Variants in RBMS3 observed in about 807,000 individuals in gnomAD.
The protein encoded by RBMS3 is RNA-binding motif, single-stranded-interacting protein 3.
In RBMS3, 27 loss-of-function variants were observed where a neutral mutation model predicts 66.8. The observed-to-expected ratio is 0.40, with a 90% confidence interval of 0.30 to 0.56. The LOEUF is 0.56. Ranked by LOEUF, RBMS3 falls within the 20% of genes least tolerant of loss-of-function variation. RBMS3 has a pLI of 0.40. For missense variants in RBMS3, 513 were observed against 549.5 expected (o/e 0.93, Z 0.66); for synonymous variants, 188 against 183.0 (o/e 1.03, Z -0.22).
At chr3:29,957,125 C>G (rs1696097147) in intron 12 of RBMS3, among the ~76,000 whole-genome samples, 1 of 152,058 alleles carries the variant, frequency 6.6e-6, no homozygotes, top group African/African-American at 2.4e-5. Flanking sequence ...ATCCTTTTGT[C>G]TTGTCTTAGA....
intron 3 of RBMS3, among the ~76,000 whole-genome samples, chr3:29,582,969 A>G (rs1176064720): frequency 6.6e-6 from 1 of 152,142 alleles, no homozygotes; most frequent in African/African-American, 2.4e-5. Flanking sequence ...TAATTTGGTG[A>G]GATATTTCTG....
chr3:29,844,076 T>C (rs532906769), intron 6 of RBMS3, among the ~76,000 whole-genome samples: 1 of 152,354 alleles, frequency 6.6e-6, no homozygotes, highest in East Asian at 1.9e-4. Context: ...TATTAAAATA[T>C]GTAGTTTTAC....
intron 1 of RBMS3, among the ~76,000 whole-genome samples, chr3:29,410,256 G>A (rs2040205612): frequency 6.6e-6 from 1 of 152,172 alleles, no homozygotes; most frequent in Non-Finnish European, 1.5e-5. Context: ...AAAAAACAAA[G>A]TGCCACCACT....
chr3:29,908,402 CTT>C (rs1433823991), intron 10 of RBMS3, among the ~76,000 whole-genome samples: 4 of 152,120 alleles, frequency 2.6e-5, no homozygotes, highest in Non-Finnish European at 4.4e-5. Flanking sequence ...TTAGCATTAT[CTT>C]TTGCTCCATG....
intron 6 of RBMS3, among the ~76,000 whole-genome samples, chr3:29,841,966 C>T (rs1319065070): frequency 6.6e-6 from 1 of 151,998 alleles, no homozygotes; most frequent in Non-Finnish European, 1.5e-5. Flanking sequence ...TCTTTTTCAT[C>T]CAGCCACTTA....
intron 13 of RBMS3, among the ~76,000 whole-genome samples, chr3:29,990,480 A>AAAAAAT (rs1698779687): frequency 1.4e-5 from 2 of 141,470 alleles, no homozygotes; most frequent in African/African-American, 5.1e-5. Context: ...AAAAAAAAAA[A>AAAAAAT]AAATAGGGTG....
At chr3:29,803,821 T>C (rs1255074671) in intron 6 of RBMS3, among the ~76,000 whole-genome samples, 1 of 152,052 alleles carries the variant, frequency 6.6e-6, no homozygotes, top group East Asian at 1.9e-4. Flanking sequence ...GTTACTGGTA[T>C]GGTATATTCT....
intron 4 of RBMS3, among the ~76,000 whole-genome samples, chr3:29,664,720 A>G (rs1452218307): frequency 2.0e-5 from 3 of 152,064 alleles, no homozygotes; most frequent in Admixed American, 1.3e-4. Context: ...AGCAATAGGT[A>G]TTAAAGAAAG....
At chr3:29,517,271 A>G (rs13081141) in intron 3 of RBMS3, among the ~76,000 whole-genome samples, 69 of 129,640 alleles carry the variant, frequency 5.3e-4, no homozygotes, top group South Asian at 1.1e-3. Flanking sequence ...GATTTCATAT[A>G]TGTGTGTGTG....
intron 12 of RBMS3, among the ~76,000 whole-genome samples, chr3:29,984,482 G>A (rs972876621): frequency 6.6e-6 from 1 of 151,828 alleles, no homozygotes; most frequent in Non-Finnish European, 1.5e-5. Flanking sequence ...TCCTTTCAAG[G>A]AGAAGAGGCA....
chr3:29,584,625 C>T (rs957837227), intron 3 of RBMS3, among the ~76,000 whole-genome samples: 1 of 152,110 alleles, frequency 6.6e-6, no homozygotes, highest in African/African-American at 2.4e-5. Flanking sequence ...TACATATCCA[C>T]TCACCCAGTG....
chr3:29,717,257 A>G (rs144265123), intron 4 of RBMS3, among the ~76,000 whole-genome samples: 1 of 152,164 alleles, frequency 6.6e-6, no homozygotes, highest in East Asian at 1.9e-4. Flanking sequence ...AAGAGTTGTC[A>G]CTGTTACTAG....
chr3:29,331,654 G>GT (rs2035662556), intron 1 of RBMS3, among the ~76,000 whole-genome samples: 3 of 151,884 alleles, frequency 2.0e-5, no homozygotes, highest in African/African-American at 7.2e-5. Context: ...TCAGCCTCGC[G>GT]TGGCTGACCA....
chr3:29,484,603 A>G (rs2043254284), intron 2 of RBMS3, among the ~76,000 whole-genome samples: 1 of 152,184 alleles, frequency 6.6e-6, no homozygotes, highest in East Asian at 1.9e-4. Flanking sequence ...GTCCATAACA[A>G]TTATGCATGA....
At chr3:29,427,002 G>T (rs981693126) in intron 1 of RBMS3, among the ~76,000 whole-genome samples, 1 of 152,242 alleles carries the variant, frequency 6.6e-6, no homozygotes, top group Non-Finnish European at 1.5e-5. Flanking sequence ...TAGTGGTGGA[G>T]CTGGATTCAT....
chr3:29,806,452 T>C (rs1030535923), intron 6 of RBMS3, among the ~76,000 whole-genome samples: 1 of 151,978 alleles, frequency 6.6e-6, no homozygotes, highest in Non-Finnish European at 1.5e-5. Context: ...TGCAATATTG[T>C]GCTGCAAATT....
intron 2 of RBMS3, among the ~76,000 whole-genome samples, chr3:29,443,868 G>T (rs898337410): frequency 1.3e-5 from 2 of 152,072 alleles, no homozygotes; most frequent in Admixed American, 6.6e-5. Context: ...AAGAGAAAGA[G>T]AAATTAGGGA....
At chr3:29,647,481 G>A (rs2049966387) in intron 4 of RBMS3, among the ~76,000 whole-genome samples, 1 of 152,182 alleles carries the variant, frequency 6.6e-6, no homozygotes, top group South Asian at 2.1e-4. Context: ...ATGCCTAAAT[G>A]TTCCATTGTC....
chr3:29,849,999 C>T (rs988050619), intron 6 of RBMS3, among the ~76,000 whole-genome samples: 1 of 152,156 alleles, frequency 6.6e-6, no homozygotes, highest in African/African-American at 2.4e-5. Flanking sequence ...GCCTTTTGCA[C>T]TTCTGGTAAA....
Sources: allele counts gnomAD v4.1 joint callset (sites outside exome capture counted in the v4.1 genomes callset), GRCh38; gene constraint gnomAD v4.1.1; transcripts MANE v1.5; gene names NCBI Gene and HGNC (gene_info 2026-07-23, HGNC 2026-07-21).